The following UNC5D variants were observed in gnomAD, a reference collection of about 807,000 sequenced individuals.
UNC5D encodes the protein unc-5 netrin receptor D.
A neutral mutation model predicts 105.4 loss-of-function variants in UNC5D; 39 were observed. The observed-to-expected ratio is 0.37, with a 90% CI of 0.29 to 0.48. UNC5D has a LOEUF of 0.48. UNC5D is among the 20% of genes least tolerant of loss of function. The pLI is 0.98. For missense variants in UNC5D, 991 were observed against 1,202.4 expected (o/e 0.82, Z 2.60); for synonymous variants, 452 against 450.4 (o/e 1.00, Z -0.04).
intron 1 of UNC5D, among the ~76,000 whole-genome samples, chr8:35,248,930 A>AAC (rs1160209808): frequency 2.1e-5 from 2 of 94,138 alleles, no homozygotes; most frequent in African/African-American, 9.1e-5. Context: ...ATATAATATA[A>AAC]ATATATAATA....
intron 10 of UNC5D, among the ~76,000 whole-genome samples, chr8:35,729,055 G>T (rs546499587): frequency 6.6e-6 from 1 of 152,182 alleles, no homozygotes; most frequent in Non-Finnish European, 1.5e-5. Context: ...CAGGAGGAGT[G>T]GGGGAAGTAT....
chr8:35,292,491 A>G (rs1807143785), intron 1 of UNC5D, among the ~76,000 whole-genome samples: 1 of 152,200 alleles, frequency 6.6e-6, no homozygotes, highest in Non-Finnish European at 1.5e-5. Flanking sequence ...AAAGCTTTCA[A>G]AAATGGTTAA....
intron 3 of UNC5D, among the ~76,000 whole-genome samples, chr8:35,574,298 C>T (rs1005145412): frequency 1.3e-5 from 2 of 152,080 alleles, no homozygotes; most frequent in African/African-American, 4.8e-5. Context: ...GGAATGTTTG[C>T]CTGTTTTAGT....
At chr8:35,741,820 G>A (rs1829778761) in intron 11 of UNC5D, among the ~76,000 whole-genome samples, 1 of 152,068 alleles carries the variant, frequency 6.6e-6, no homozygotes, top group African/African-American at 2.4e-5. Flanking sequence ...GTTAGTGCCA[G>A]CACCACCTTG....
intron 1 of UNC5D, among the ~76,000 whole-genome samples, chr8:35,391,899 A>G (rs1055937576): frequency 3.3e-5 from 5 of 152,126 alleles, no homozygotes; most frequent in African/African-American, 1.2e-4. Flanking sequence ...GTTTACAAAC[A>G]TTTTCTTTTT....
At chr8:35,518,735 G>A (rs1813274431) in intron 1 of UNC5D, among the ~76,000 whole-genome samples, 1 of 152,120 alleles carries the variant, frequency 6.6e-6, no homozygotes, top group South Asian at 2.1e-4. Flanking sequence ...AATGCTGTTT[G>A]GCAGACAGAA....
intron 4 of UNC5D, among the ~76,000 whole-genome samples, chr8:35,612,367 T>C (rs1487347537): frequency 6.6e-6 from 1 of 152,098 alleles, no homozygotes; most frequent in African/African-American, 2.4e-5. Flanking sequence ...TGATAAAGTA[T>C]GCTGAAGTCA....
chr8:35,485,622 G>A (rs570099857), intron 1 of UNC5D, among the ~76,000 whole-genome samples: 17 of 152,136 alleles, frequency 1.1e-4, no homozygotes, highest in African/African-American at 3.4e-4. Flanking sequence ...AAATACCCGC[G>A]GTACCCCAGT....
At chr8:35,599,413 T>G (rs76299038) in intron 4 of UNC5D, among the ~76,000 whole-genome samples, 1,874 of 152,294 alleles carry the variant, frequency 0.012, 50 homozygotes, top group African/African-American at 0.043. Context: ...AATACATACA[T>G]TATTTAGCCT....
chr8:35,597,707 T>A (rs752800797), intron 4 of UNC5D, among the ~76,000 whole-genome samples: 6 of 152,112 alleles, frequency 3.9e-5, no homozygotes, highest in Non-Finnish European at 7.4e-5. Context: ...TGATCTACTT[T>A]TTTTTCAGAT....
chr8:35,567,383 G>A (rs540784404), intron 2 of UNC5D, among the ~76,000 whole-genome samples: 5 of 152,110 alleles, frequency 3.3e-5, no homozygotes, highest in African/African-American at 7.2e-5. Flanking sequence ...GGCTGGGCAC[G>A]GTGGCTTACA....
intron 1 of UNC5D, among the ~76,000 whole-genome samples, chr8:35,456,903 C>T (rs1808535152): frequency 6.6e-6 from 1 of 152,198 alleles, no homozygotes; most frequent in Non-Finnish European, 1.5e-5. Context: ...ATCACATGCA[C>T]TAAACATGCA....
chr8:35,471,476 C>T (rs983381768), intron 1 of UNC5D, among the ~76,000 whole-genome samples: 9 of 151,932 alleles, frequency 5.9e-5, no homozygotes, highest in Admixed American at 2.0e-4. Context: ...TGTAAACCAA[C>T]GTATAATATT....
At chr8:35,367,557 T>G (rs187377869) in intron 1 of UNC5D, among the ~76,000 whole-genome samples, 44 of 152,146 alleles carry the variant, frequency 2.9e-4, no homozygotes, top group South Asian at 2.5e-3. Flanking sequence ...GGGAACATAA[T>G]AGAACTATTG....
At chr8:35,372,474 T>C (rs1042025555) in intron 1 of UNC5D, among the ~76,000 whole-genome samples, 8 of 152,264 alleles carry the variant, frequency 5.3e-5, no homozygotes, top group African/African-American at 1.7e-4. Flanking sequence ...TGGGGGGTTA[T>C]GATACTTTTA....
rs143659741 is a variant in UNC5D at position 35,284,964 on chromosome 8, T to A, written c.103+49077T>A. Reference sequence around the variant, plus strand: ...TTGCCTCTTTTGACCTGGGGTGCTTTTTTTCCTATTTGATACCTTTATCAC... The same window carrying A: ...TTGCCTCTTTTGACCTGGGGTGCTTATTTTCCTATTTGATACCTTTATCAC... On this transcript the variant is annotated intron_variant, in intron 1 of 16. Coordinates refer to ENST00000404895, the MANE Select transcript of UNC5D (RefSeq NM_080872.4). Among the ~76,000 whole-genome samples, 37 of 152,282 alleles carry A rather than the reference T, an allele frequency of 2.4e-4. No homozygotes were observed. The East Asian group carries it at 7.1e-3, about 29-fold the overall frequency.
At chr8:35,478,229 T>A (rs1585934688) in intron 1 of UNC5D, among the ~76,000 whole-genome samples, 1 of 152,202 alleles carries the variant, frequency 6.6e-6, no homozygotes, top group African/African-American at 2.4e-5. Flanking sequence ...TATTCCACAA[T>A]TTGAAAAAAT....
chr8:35,646,619 A>G (rs993437624), intron 4 of UNC5D, among the ~76,000 whole-genome samples: 1 of 152,038 alleles, frequency 6.6e-6, no homozygotes, highest in African/African-American at 2.4e-5. Flanking sequence ...ATACTTCTTA[A>G]TACCTCTCCC....
In UNC5D at chr8:35,558,865, C is replaced by G. The variant is rs566881016; in HGVS notation, c.323-9233C>G. 2.6e-5 allele frequency among the ~76,000 whole-genome samples: 4 copies of G among 152,142 alleles called. No individual in the cohort carries two copies. In the East Asian group the frequency reaches 5.8e-4, roughly 22 times the overall value. ...GGTCGTGATGGCGCATTCCTGTAAT[C>G]CCAGCTACTTGGGAGGCTGAGGCAC... On this transcript the variant is annotated intron_variant, in intron 2 of 16. Transcript: ENST00000404895.
Sources: allele counts gnomAD v4.1 joint callset (sites outside exome capture counted in the v4.1 genomes callset), GRCh38; gene constraint gnomAD v4.1.1; transcripts MANE v1.5; gene names NCBI Gene and HGNC (gene_info 2026-07-23, HGNC 2026-07-21).